The following DGAT1 variants were observed in gnomAD, a reference collection of about 807,000 sequenced individuals.
DGAT1 encodes the protein diacylglycerol O-acyltransferase 1.
DGAT1 carries 60 observed loss-of-function variants against 72.6 expected under a neutral mutation model. That is an observed-to-expected ratio of 0.83 (90% CI 0.67 to 1.02). The LOEUF is 1.02. Among genes scored for constraint, DGAT1 ranks in the 50% least tolerant of loss-of-function variants. The probability of loss-of-function intolerance (pLI) is 0.00; values close to 1 mark genes in which losing one functional copy is unlikely to be tolerated. For missense variants in DGAT1, 592 were observed against 670.0 expected (o/e 0.88, Z 1.29); for synonymous variants, 290 against 267.5 (o/e 1.08, Z -0.82).
chr8:144,318,809 G>A (rs781887016), intron 4 of DGAT1, 26 bp downstream of exon 4: 16 of 1,608,912 alleles, frequency 9.9e-6, no homozygotes, highest in East Asian at 6.7e-5. Context: ...ATCCCCACCC[G>A]AGGCCCTCCT....
At chr8:144,316,804 A>AG in intron 16 of DGAT1, 49 bp downstream of exon 16, 2 of 1,598,362 alleles carry the variant, frequency 1.3e-6, no homozygotes, top group Non-Finnish European at 1.7e-6. Flanking sequence ...CGAGGGGTTC[A>AG]GGTGCGGGGT....
intron 2 of DGAT1, 47 bp downstream of exon 2, chr8:144,321,274 A>G (rs745488682): frequency 2.9e-5 from 45 of 1,563,250 alleles, no homozygotes; most frequent in Non-Finnish European, 7.1e-6. Flanking sequence ...CCTGGGACAG[A>G]GCCCCACCTG....
chr8:144,315,259 C>A lies in DGAT1; in HGVS notation c.*1295G>T. The A allele has an allele frequency of 1.0e-6, 1 of 985,522 alleles. No individual in the cohort carries two copies. The highest frequency in any genetic ancestry group is 1.2e-6 in the Non-Finnish European group (1 of 829,970). 61.0% of individuals were successfully genotyped at this position (985,522 alleles called of 1,614,324 possible). On this transcript the variant is annotated 3_prime_UTR_variant, in exon 17 of 17. Transcript: ENST00000528718. ...GGAGTCGGCCCCACACCCATCCCCC[C>A]ACCAGGAGCTCACCCACTACTGCCA... is the stretch of plus-strand genomic sequence containing the variant.
Position 144,319,073 on chromosome 8 carries a change from G to A in DGAT1, c.289-5C>T, listed in dbSNP as rs369558777. The A allele has an allele frequency of 2.6e-5, 41 of 1,553,464 alleles. No homozygotes were observed. Among genetic ancestry groups the A allele is most frequent in the African/African-American group, 2.1e-4 (15 of 73,132 alleles). ...TAACCGGGCATTGCTCAAGATCTGC[G>A]AGGGATGGACAGGAGGGTGCAGCCC... On this transcript the variant is annotated splice_region_variant and splice_polypyrimidine_tract_variant and intron_variant, in intron 2 of 16. Transcript: ENST00000528718.
chr8:144,318,508 A>C lies in DGAT1; in HGVS notation c.527T>G (p.Leu176Arg). 1.9e-6 allele frequency: 3 copies of C among 1,611,882 alleles called. No individual in the cohort carries two copies. The highest frequency in any genetic ancestry group is 2.5e-6 in the Non-Finnish European group (3 of 1,179,940). Residue 176 changes from leucine to arginine, a missense_variant, in exon 6 of 17, where the codon CTG becomes CGG. Coordinates refer to ENST00000528718, the MANE Select transcript of DGAT1 (RefSeq NM_012079.6). ...TAAGACCACAGCCGCTGGGAAACAC[A>C]GAATGGTGGCCAGGTTGGCCACGTG... ...LLHVANLATI[L>R]CFPAAVVLLV...
chr8:144,326,405 G>A lies in DGAT1; in HGVS notation c.200+32C>T, dbSNP rs925928604. On this transcript the variant is annotated intron_variant, in intron 1 of 16. Transcript: ENST00000528718. ...CCCCGGAAAGTCGCGGGGCCCTTGG[G>A]TCAGAGGTTAGGGGGTCAGGCGCTC... 7.2e-6 allele frequency: 10 copies of A among 1,389,756 alleles called. No homozygotes were observed. The African/African-American group carries it at 9.1e-5, about 13-fold the overall frequency. The allele number at this position is 1,389,756 out of a possible 1,614,324, so 86.1% of individuals were successfully genotyped here. A position where few individuals can be genotyped will look rare whatever the true frequency, so the allele number is the denominator to read the frequency against.
At position 144,315,643 on chromosome 8, in the gene DGAT1, C is replaced by G. The variant is rs781819612; in HGVS notation, c.*911G>C. Reference sequence around the variant, plus strand: ...CTTGGTGGATTGCAGGGCCTGGGAACAAGGTGTCCTGAAGGCTGCAGGGCT... The same window carrying G: ...CTTGGTGGATTGCAGGGCCTGGGAAGAAGGTGTCCTGAAGGCTGCAGGGCT... On this transcript the variant is annotated 3_prime_UTR_variant, in exon 17 of 17. Transcript: ENST00000528718. The G allele has an allele frequency of 6.1e-6, 6 of 983,776 alleles. No homozygotes were observed. The highest frequency in any genetic ancestry group is 2.3e-4 in the East Asian group (2 of 8,798). The allele number at this position is 983,776 out of a possible 1,614,324, so 60.9% of individuals were successfully genotyped here.
chr8:144,318,026 G>A lies in DGAT1; in HGVS notation c.752-9C>T. 1 of 1,517,174 alleles carries A rather than the reference G, an allele frequency of 6.6e-7. No homozygotes were observed. Among genetic ancestry groups the A allele is most frequent in the Non-Finnish European group, 8.8e-7 (1 of 1,134,250 alleles). 94.0% of individuals were successfully genotyped at this position (1,517,174 alleles called of 1,614,324 possible). A position where few individuals can be genotyped will look rare whatever the true frequency, so the allele number is the denominator to read the frequency against. On this transcript the variant is annotated splice_polypyrimidine_tract_variant and intron_variant, in intron 8 of 16. Coordinates refer to ENST00000528718, the MANE Select transcript of DGAT1 (RefSeq NM_012079.6). ...GAGGAAGTAGTAGAGATCTGGAATG[G>A]GAATGGGGGGTTGGTACCAGAACAG...
Position 144,316,512 on chromosome 8 carries a change from G to T in DGAT1, c.*42C>A. 6 of 1,540,944 alleles carry T rather than the reference G, an allele frequency of 3.9e-6. No individual in the cohort carries two copies. The highest frequency in any genetic ancestry group is 5.3e-6 in the Non-Finnish European group (6 of 1,140,762). ...AGGAGGAGAGGTGGGCTCTGGCAGCGGGTGTGAGGTGGCAGTGAGAAGCCA... is the reference window on the plus strand; with the variant it reads ...AGGAGGAGAGGTGGGCTCTGGCAGCTGGTGTGAGGTGGCAGTGAGAAGCCA... On this transcript the variant is annotated 3_prime_UTR_variant, in exon 17 of 17. Coordinates refer to ENST00000528718, the MANE Select transcript of DGAT1 (RefSeq NM_012079.6).
rs570222469 is a variant in DGAT1 at position 144,317,971 on chromosome 8, G to A, written c.798C>T (p.Asn266=). 6.6e-7 allele frequency: 1 copy of A among 1,519,778 alleles called. No individual in the cohort carries two copies. The highest frequency in any genetic ancestry group is 8.8e-7 in the Non-Finnish European group (1 of 1,136,340). The allele number at this position is 1,519,778 out of a possible 1,614,324, so 94.1% of individuals were successfully genotyped here. The change falls in exon 9 of 17, where the codon AAC becomes AAT. Residue 266 remains asparagine, a synonymous_variant. Transcript: ENST00000528718. ...TCCGGATGCGGGGAGAGCGGGGAAA[G>A]TTGAGCTCGTAGCACAAGGTGGGGG... ...LFAPTLCYEL[N]FPRSPRIRKR...
chr8:144,316,762 C>T lies in DGAT1; in HGVS notation c.1312-53G>A, dbSNP rs1817240846. 8 of 1,600,162 alleles carry T rather than the reference C, an allele frequency of 5.0e-6. No homozygotes were observed. The South Asian group carries it at 8.9e-5, about 18-fold the overall frequency. ...GCCATGGTGACCACAGGGCTGGGGGCTTCAGGGTCCCTGGGCATGGGGAGG... is the reference window on the plus strand; with the variant it reads ...GCCATGGTGACCACAGGGCTGGGGGTTTCAGGGTCCCTGGGCATGGGGAGG... On this transcript the variant is annotated intron_variant, in intron 16 of 16. Transcript: ENST00000528718.
At chr8:144,319,331 G>A (rs1817376442) in intron 2 of DGAT1, among the ~76,000 whole-genome samples, 2 of 152,158 alleles carry the variant, frequency 1.3e-5, no homozygotes, top group South Asian at 4.1e-4. Flanking sequence ...CAACCGGCCA[G>A]ACCAACCAAC....
intron 12 of DGAT1, 45 bp downstream of exon 12, chr8:144,317,499 A>G (rs1554847317): frequency 1.2e-6 from 2 of 1,613,644 alleles, no homozygotes; most frequent in Non-Finnish European, 1.7e-6. Context: ...CCCACATGCC[A>G]CTGTCCCCTC....
At chr8:144,324,808 C>G (rs552326993) in intron 1 of DGAT1, among the ~76,000 whole-genome samples, 184 of 152,308 alleles carry the variant, frequency 1.2e-3, no homozygotes, top group Non-Finnish European at 2.0e-3. Flanking sequence ...TGGCTCACAC[C>G]TGTAATCCCA....
chr8:144,320,853 G>A (rs1367232188), intron 2 of DGAT1, among the ~76,000 whole-genome samples: 3 of 152,220 alleles, frequency 2.0e-5, no homozygotes, highest in East Asian at 1.9e-4. Flanking sequence ...GCCATGTGGC[G>A]TAGCACAGGA....
In DGAT1 at chr8:144,326,541, C is replaced by A. The variant is rs1817596804; in HGVS notation, c.96G>T (p.Arg32=). The change falls in exon 1 of 17, where the codon CGG becomes CGT. Residue 32 remains arginine, a synonymous_variant. Transcript: ENST00000528718. ...GGPAAAEEEV[R]DAAAGPDVGA... ...CCACGTCGGGGCCCGCAGCGGCGTC[C>A]CGCACCTCCTCTTCCGCCGCCGCAG... 7.9e-7 allele frequency: 1 copy of A among 1,271,234 alleles called. No homozygotes were observed. The highest frequency in any genetic ancestry group is 3.1e-5 in the East Asian group (1 of 31,748). 78.7% of individuals were successfully genotyped at this position (1,271,234 alleles called of 1,614,324 possible). A position where few individuals can be genotyped will look rare whatever the true frequency, so the allele number is the denominator to read the frequency against.
intron 2 of DGAT1, among the ~76,000 whole-genome samples, chr8:144,319,565 C>G (rs1262239770): frequency 1.3e-5 from 2 of 152,216 alleles, no homozygotes; most frequent in Non-Finnish European, 1.5e-5. Context: ...GTTGTCTACT[C>G]TTTCTCTGCA....
chr8:144,317,671 C>A lies in DGAT1; in HGVS notation c.936G>T (p.Lys312Asn), dbSNP rs1221062147. The change falls in exon 11 of 17, where the codon AAG (lysine) becomes AAT (asparagine). Residue 312 changes from lysine (K) to asparagine (N), a missense_variant and splice_region_variant. Coordinates refer to ENST00000528718, the MANE Select transcript of DGAT1 (RefSeq NM_012079.6). ...CTGCAAGAGCACCTGAGCCACTCAC[C>A]TTGAAGGGCTTCATGGAGTTCTGGA... ...PTIQNSMKPF[K>N]DMDYSRIIER... is the part of the protein sequence containing the mutation. 12 of 1,613,714 alleles carry A rather than the reference C, an allele frequency of 7.4e-6. No homozygotes were observed. In the East Asian group the frequency reaches 2.7e-4, roughly 36 times the overall value.
rs1274000569 is a variant in DGAT1, at chr8:144,324,357, G to C, written c.200+2080C>G. Reference sequence around the variant, plus strand: ...GTGAGGCTGACAAGGGGGTGCGCTAGAGGCCAAGTCCCAGGAGGGCAGGCA... The same window carrying C: ...GTGAGGCTGACAAGGGGGTGCGCTACAGGCCAAGTCCCAGGAGGGCAGGCA... On this transcript the variant is annotated intron_variant, in intron 1 of 16. Coordinates refer to ENST00000528718, the MANE Select transcript of DGAT1 (RefSeq NM_012079.6). Among the ~76,000 whole-genome samples the C allele has an allele frequency of 2.6e-5, 4 of 152,172 alleles. 1 individual carries two copies. Among genetic ancestry groups the C allele is most frequent in the South Asian group, 4.1e-4 (2 of 4,824 alleles).
Sources: allele counts gnomAD v4.1 joint callset (sites outside exome capture counted in the v4.1 genomes callset), GRCh38; gene constraint gnomAD v4.1.1; transcripts MANE v1.5; gene names NCBI Gene and HGNC (gene_info 2026-07-23, HGNC 2026-07-21).